CDKAL1: variants seen among roughly 807,000 people sequenced by gnomAD.
The protein encoded by CDKAL1 is CDKAL1 threonylcarbamoyladenosine tRNA methylthiotransferase, also known as threonylcarbamoyladenosine tRNA methylthiotransferase.
A neutral mutation model predicts 68.2 loss-of-function variants in CDKAL1; 32 were observed. The ratio of observed to expected loss-of-function variants is 0.47; its 90% CI spans 0.35 to 0.63. CDKAL1 has a LOEUF of 0.63. Among genes scored for constraint, CDKAL1 ranks in the 30% least tolerant of loss-of-function variants. The pLI is 0.00. For synonymous variants in CDKAL1, 234 were observed against 244.3 expected (o/e 0.96, Z 0.39); for missense variants, 606 against 696.7 (o/e 0.87, Z 1.47).
intron 9 of CDKAL1, among the ~76,000 whole-genome samples, chr6:20,946,336 C>T (rs1554144689): frequency 6.6e-6 from 1 of 152,158 alleles, no homozygotes; most frequent in Non-Finnish European, 1.5e-5. Context: ...AGGGCTCTTC[C>T]TTTAGATAGC....
chr6:21,196,051 G>C (rs1413264592), intron 13 of CDKAL1, among the ~76,000 whole-genome samples: 1 of 152,188 alleles, frequency 6.6e-6, no homozygotes, highest in Non-Finnish European at 1.5e-5. Flanking sequence ...TTTTAACTCT[G>C]TATATATTAC....
intron 9 of CDKAL1, among the ~76,000 whole-genome samples, chr6:20,921,599 T>TA (rs998835829): frequency 6.6e-6 from 1 of 152,208 alleles, no homozygotes; most frequent in Non-Finnish European, 1.5e-5. Flanking sequence ...CTCATCTCAG[T>TA]GTCTAAGTAG....
At chr6:21,191,133 G>T (rs1416977478) in intron 13 of CDKAL1, among the ~76,000 whole-genome samples, 4 of 152,218 alleles carry the variant, frequency 2.6e-5, no homozygotes, top group African/African-American at 9.6e-5. Context: ...TTTAATTTGA[G>T]TAATGTCTGC....
At chr6:20,765,586 A>T (rs540021686) in intron 7 of CDKAL1, among the ~76,000 whole-genome samples, 47 of 152,260 alleles carry the variant, frequency 3.1e-4, no homozygotes, top group Admixed American at 1.8e-3. Context: ...TACATACATT[A>T]TTTCTAGGAT....
intron 13 of CDKAL1, among the ~76,000 whole-genome samples, chr6:21,113,496 T>TTTTTTG (rs1360978883): frequency 2.0e-5 from 3 of 151,724 alleles, no homozygotes; most frequent in Middle Eastern, 6.8e-3. Flanking sequence ...AAAACGGGGT[T>TTTTTTG]TTTTTGTTTT....
At chr6:20,912,462 C>A (rs1168165785) in intron 9 of CDKAL1, among the ~76,000 whole-genome samples, 2 of 152,072 alleles carry the variant, frequency 1.3e-5, no homozygotes, top group African/African-American at 4.8e-5. Context: ...GTGAGACATG[C>A]AAGAGTCTAG....
At position 21,229,288 on chromosome 6, in the gene CDKAL1, G is replaced by A. The variant is rs572096539; in HGVS notation, c.1549-1560G>A. On this transcript the variant is annotated intron_variant, in intron 15 of 15. Transcript: ENST00000274695. ...TGTGTCTTGCATTACCCAATCCTTT[G>A]AATTCAAATCCTATTGATTCTACAT... Among the ~76,000 whole-genome samples the A allele has an allele frequency of 3.7e-4, 57 of 152,108 alleles. No homozygotes were observed. The Middle Eastern group carries it at 0.01, about 27-fold the overall frequency.
intron 12 of CDKAL1, among the ~76,000 whole-genome samples, chr6:21,078,865 G>C (rs1772224631): frequency 6.6e-6 from 1 of 152,092 alleles, no homozygotes; most frequent in Admixed American, 6.6e-5. Context: ...TTTATACCCT[G>C]TCACTTATGA....
At chr6:20,537,584 C>T (rs1460216707) in intron 2 of CDKAL1, among the ~76,000 whole-genome samples, 2 of 145,330 alleles carry the variant, frequency 1.4e-5, no homozygotes, top group African/African-American at 5.1e-5. Flanking sequence ...CCAGCCTGGG[C>T]AGCAAGAGTG....
intron 11 of CDKAL1, among the ~76,000 whole-genome samples, chr6:21,045,849 G>A (rs1056947498): frequency 4.6e-5 from 7 of 152,284 alleles, no homozygotes; most frequent in South Asian, 2.1e-4. Context: ...ATCCGATGGC[G>A]TCTCAAGTCA....
chr6:20,993,148 G>C (rs560370215), intron 10 of CDKAL1, among the ~76,000 whole-genome samples: 13 of 152,032 alleles, frequency 8.6e-5, no homozygotes, highest in Non-Finnish European at 1.8e-4. Flanking sequence ...GTTTGTTTTG[G>C]GGGAAGGAAA....
intron 13 of CDKAL1, among the ~76,000 whole-genome samples, chr6:21,197,546 C>G (rs1171088880): frequency 6.6e-6 from 1 of 152,166 alleles, no homozygotes; most frequent in East Asian, 1.9e-4. Flanking sequence ...GACTAGTTTT[C>G]CGAGGCATTT....
At chr6:21,189,085 C>T (rs1422089537) in intron 13 of CDKAL1, among the ~76,000 whole-genome samples, 4 of 152,156 alleles carry the variant, frequency 2.6e-5, no homozygotes, top group Non-Finnish European at 5.9e-5. Context: ...AAGAGACTAC[C>T]TCGGATTGTC....
chr6:21,001,649 G>A (rs1767434002), intron 11 of CDKAL1, among the ~76,000 whole-genome samples: 1 of 152,190 alleles, frequency 6.6e-6, no homozygotes, highest in Non-Finnish European at 1.5e-5. Context: ...GAACAGAACT[G>A]TGTTAGGCTA....
At position 20,819,540 on chromosome 6, in the gene CDKAL1, G is replaced by A. The variant is rs528352565; in HGVS notation, c.639-26535G>A. Among the ~76,000 whole-genome samples the A allele has an allele frequency of 2.3e-4, 35 of 151,874 alleles. 1 individual carries two copies. Among genetic ancestry groups the A allele is most frequent in the African/African-American group, 7.5e-4 (31 of 41,516 alleles). ...GATCAAATGGATTTCTGAACTTTAC[G>A]TCACACCTTTAGTGACAGAATAAAA... On this transcript the variant is annotated intron_variant, in intron 8 of 15. Coordinates refer to ENST00000274695, the MANE Select transcript of CDKAL1 (RefSeq NM_017774.3).
chr6:21,218,614 T>C (rs1229543513), intron 15 of CDKAL1, among the ~76,000 whole-genome samples: 1 of 152,194 alleles, frequency 6.6e-6, no homozygotes, highest in South Asian at 2.1e-4. Flanking sequence ...TTTAAGGTCT[T>C]AGTCCTTGGC....
intron 9 of CDKAL1, among the ~76,000 whole-genome samples, chr6:20,863,454 A>G (rs1487067115): frequency 7.1e-6 from 1 of 140,928 alleles, no homozygotes; most frequent in Non-Finnish European, 1.6e-5. Flanking sequence ...ATCACTATTA[A>G]TGTTCAATAA....
chr6:20,905,532 A>G (rs963860971), intron 9 of CDKAL1, among the ~76,000 whole-genome samples: 7 of 152,232 alleles, frequency 4.6e-5, no homozygotes, highest in Non-Finnish European at 7.3e-5. Context: ...ATTTGAAGAG[A>G]TAATGGTGGA....
intron 2 of CDKAL1, among the ~76,000 whole-genome samples, chr6:20,541,502 T>A (rs1376686624): frequency 6.6e-6 from 1 of 152,226 alleles, no homozygotes; most frequent in African/African-American, 2.4e-5. Context: ...AGCTATCTTC[T>A]GTTAACACTA....
Sources: gnomAD v4.1 joint callset for allele counts (sites outside exome capture counted in the v4.1 genomes callset) on GRCh38, gnomAD v4.1.1 for gene constraint, MANE v1.5 for transcripts, NCBI Gene and HGNC (gene_info 2026-07-23, HGNC 2026-07-21) for gene names.